Variants in SMC2 observed in about 807,000 individuals in gnomAD.
SMC2 encodes structural maintenance of chromosomes protein 2.
A neutral mutation model predicts 142.6 loss-of-function variants in SMC2; 41 were observed. The ratio of observed to expected loss-of-function variants is 0.29; its 90% CI spans 0.22 to 0.37. SMC2 has a LOEUF of 0.37. Ranked by LOEUF, SMC2 falls within the 10% of genes least tolerant of loss-of-function variation. SMC2 has a pLI of 1.00. For missense variants in SMC2, 1,265 were observed against 1,373.7 expected (o/e 0.92, Z 1.25); for synonymous variants, 463 against 457.5 (o/e 1.01, Z -0.15).
intron 23 of SMC2, among the ~76,000 whole-genome samples, chr9:104,135,112 T>TA (rs1049354904): frequency 6.6e-6 from 1 of 151,838 alleles, no homozygotes; most frequent in African/African-American, 2.4e-5. Flanking sequence ...TAAAGAAGGT[T>TA]AAAAAAAATT....
In SMC2 at chr9:104,111,822, G is replaced by C. The variant is rs112001847; in HGVS notation, c.1254+8G>C. ...CAGACAGAAGCCAAACAGGTAAATA[G>C]AGACATTAGCACTATGTGATTGCTT... On this transcript the variant is annotated splice_region_variant and intron_variant, in intron 10 of 24. Coordinates refer to ENST00000374793, the MANE Select transcript of SMC2 (RefSeq NM_006444.3). The C allele has an allele frequency of 0.018, 28,134 of 1,596,728 alleles. 1,518 individuals are homozygous for C. In the African/African-American group the frequency reaches 0.19, roughly 11 times the overall value.
intron 17 of SMC2, among the ~76,000 whole-genome samples, chr9:104,124,508 A>G (rs1834059352): frequency 6.6e-6 from 1 of 152,210 alleles, no homozygotes; most frequent in Non-Finnish European, 1.5e-5. Flanking sequence ...GGCAAAGAAC[A>G]TAAAGTAAGC....
intron 22 of SMC2, 80 bp downstream of exon 22, chr9:104,132,205 G>T: frequency 1.3e-6 from 1 of 747,806 alleles, no homozygotes; most frequent in South Asian, 1.6e-5. Flanking sequence ...TAAGAAATTT[G>T]AAATAGCTGA....
chr9:104,116,866 A>G (rs913784280), intron 14 of SMC2, among the ~76,000 whole-genome samples: 2 of 152,196 alleles, frequency 1.3e-5, no homozygotes, highest in African/African-American at 4.8e-5. Flanking sequence ...GATTAGTACA[A>G]GGAAATACAT....
chr9:104,123,223 A>C lies in SMC2; in HGVS notation c.2248A>C (p.Lys750Gln). Reference sequence around the variant, plus strand: ...ACAAGAAGAATTAGATGCCCTTAAAAAAACCATTGGTAAGATGAAAACAGT... The same window carrying C: ...ACAAGAAGAATTAGATGCCCTTAAACAAACCATTGGTAAGATGAAAACAGT... ...KQQEELDALK[K>Q]TIEESEETLK... Residue 750 changes from lysine (K) to glutamine (Q), a missense_variant, in exon 17 of 25, where the codon AAA becomes CAA. This residue lies in a region of SMC2 where 898 missense variants were observed against 904.2 expected (regional missense o/e 0.99). Transcript: ENST00000374793. 6.2e-7 allele frequency: 1 copy of C among 1,612,278 alleles called. No individual in the cohort carries two copies. The highest frequency in any genetic ancestry group is 8.5e-7 in the Non-Finnish European group (1 of 1,179,122).
chr9:104,115,247 T>C (rs1442115721), intron 13 of SMC2, among the ~76,000 whole-genome samples: 1 of 133,140 alleles, frequency 7.5e-6, no homozygotes, highest in Non-Finnish European at 1.5e-5. Flanking sequence ...TACTTCCTTG[T>C]TTTTTTTTTA....
intron 14 of SMC2, 41 bp downstream of exon 14, chr9:104,116,360 C>T: frequency 1.3e-6 from 2 of 1,543,240 alleles, no homozygotes; most frequent in Non-Finnish European, 1.7e-6. Flanking sequence ...TAATCGTCAT[C>T]TGTGGTTTTT....
chr9:104,099,224 G>T (rs1012042579), intron 4 of SMC2, among the ~76,000 whole-genome samples: 2 of 152,134 alleles, frequency 1.3e-5, no homozygotes, highest in South Asian at 2.1e-4. Flanking sequence ...ATTGTATTTT[G>T]TTTGAGGCCT....
At chr9:104,139,034 A>T in intron 24 of SMC2, 105 bp from the exon 25 acceptor site, 1 of 660,838 alleles carries the variant, frequency 1.5e-6, no homozygotes, top group Non-Finnish European at 2.3e-6. Flanking sequence ...ATAACTATTT[A>T]AAGAAATAAA....
chr9:104,137,536 TTGTG>T (rs1219307639), intron 23 of SMC2, among the ~76,000 whole-genome samples: 1 of 151,958 alleles, frequency 6.6e-6, no homozygotes, highest in Non-Finnish European at 1.5e-5. Context: ...AATATATAGA[TTGTG>T]TGTGTGTCTG....
chr9:104,102,636 C>T, intron 9 of SMC2, 63 bp downstream of exon 9: 4 of 1,445,628 alleles, frequency 2.8e-6, no homozygotes, highest in Non-Finnish European at 3.7e-6. Context: ...CATTAGTGTA[C>T]ATTTATCTAT....
intron 9 of SMC2, 30 bp downstream of exon 9, chr9:104,102,603 A>G (rs1831289803): frequency 6.2e-7 from 1 of 1,602,300 alleles, no homozygotes; most frequent in Non-Finnish European, 8.5e-7. Flanking sequence ...CACTAGTGCC[A>G]CTTGTAGACA....
chr9:104,132,258 C>T, intron 22 of SMC2, 133 bp downstream of exon 22: 1 of 576,756 alleles, frequency 1.7e-6, no homozygotes, highest in Non-Finnish European at 3.1e-6. Context: ...TAATTAAAAC[C>T]TCTGACTTTT....
intron 23 of SMC2, chr9:104,136,188 A>G (rs1376062314): frequency 3.7e-6 from 1 of 270,316 alleles, no homozygotes; most frequent in Non-Finnish European, 7.4e-6. Flanking sequence ...CCTGCATGGT[A>G]TATAATCCAT....
chr9:104,139,455 T>C lies in SMC2; in HGVS notation c.*140T>C, dbSNP rs1050529627. On this transcript the variant is annotated 3_prime_UTR_variant, in exon 25 of 25. Coordinates refer to ENST00000374793, the MANE Select transcript of SMC2 (RefSeq NM_006444.3). ...TGTTTTCTCTTTATATAATCACTTA[T>C]CGCTTACAAATGAGCATATATTCCT... is the stretch of plus-strand genomic sequence containing the variant. 38 of 618,710 alleles carry C rather than the reference T, an allele frequency of 6.1e-5. No individual in the cohort carries two copies. Among genetic ancestry groups the C allele is most frequent in the African/African-American group, 6.1e-4 (31 of 51,044 alleles). 38.3% of individuals were successfully genotyped at this position (618,710 alleles called of 1,614,324 possible).
At chr9:104,137,807 GAA>G (rs1346991383) in intron 23 of SMC2, among the ~76,000 whole-genome samples, 1 of 147,626 alleles carries the variant, frequency 6.8e-6, no homozygotes, top group Admixed American at 6.6e-5. Context: ...GCATGCTTCC[GAA>G]AAGAGGAGAA....
At chr9:104,136,040 A>G in intron 23 of SMC2, 3 of 421,798 alleles carry the variant, frequency 7.1e-6, no homozygotes, top group South Asian at 5.2e-5. Flanking sequence ...GAAAATCAGC[A>G]TAGTGATAGA....
intron 20 of SMC2, among the ~76,000 whole-genome samples, chr9:104,128,508 G>A (rs1245055477): frequency 6.6e-6 from 1 of 152,166 alleles, no homozygotes; most frequent in African/African-American, 2.4e-5. Flanking sequence ...ATACCTACCA[G>A]TATCAGATAC....
chr9:104,127,214 A>T, intron 19 of SMC2, 72 bp from the exon 20 acceptor site: 1 of 1,215,758 alleles, frequency 8.2e-7, no homozygotes, highest in Non-Finnish European at 1.1e-6. Context: ...GATCTGTCAG[A>T]TAATTGTTTA....
Sources: gnomAD v4.1 joint callset for allele counts (sites outside exome capture counted in the v4.1 genomes callset) on GRCh38, gnomAD v4.1.1 for gene constraint, gnomAD v4.1.1 regional missense constraint, MANE v1.5 for transcripts, NCBI Gene and HGNC (gene_info 2026-07-23, HGNC 2026-07-21) for gene names.